The following SLBP variants were observed in gnomAD, a reference collection of about 807,000 sequenced individuals.
The protein encoded by SLBP is histone RNA hairpin-binding protein.
In SLBP, 29 loss-of-function variants were observed where a neutral mutation model predicts 39.2. The ratio of observed to expected loss-of-function variants is 0.74; its 90% CI spans 0.55 to 1.01. SLBP has a LOEUF of 1.01. Ranked by LOEUF, SLBP falls within the 50% of genes least tolerant of loss-of-function variation. SLBP has a pLI of 0.00. For synonymous variants in SLBP, 129 were observed against 118.7 expected (o/e 1.09, Z -0.57); for missense variants, 390 against 350.2 (o/e 1.11, Z -0.91).
chr4:1,703,223 C>A lies in SLBP; in HGVS notation c.281+373G>T, dbSNP rs536718116. On this transcript the variant is annotated intron_variant, in intron 3 of 7. Transcript: ENST00000489418. ...CTGTACTCCAGCCCGGGCAACAGAG[C>A]GAGACTGTCTCAAAAAAAAAAAAAA... 3.5e-3 allele frequency among the ~76,000 whole-genome samples: 463 copies of A among 131,644 alleles called. 5 individuals are homozygous for A. The highest frequency in any genetic ancestry group is 4.5e-3 in the Non-Finnish European group (285 of 63,040). The allele number at this position is 131,644 out of a possible 152,430, so 86.4% of individuals were successfully genotyped here.
At chr4:1,702,312 G>T (rs1716357433) in intron 3 of SLBP, among the ~76,000 whole-genome samples, 1 of 152,080 alleles carries the variant, frequency 6.6e-6, no homozygotes, top group Non-Finnish European at 1.5e-5. Flanking sequence ...TTCTACCAAG[G>T]CATACATCCA....
intron 2 of SLBP, among the ~76,000 whole-genome samples, chr4:1,708,018 G>A (rs1295074049): frequency 1.3e-5 from 2 of 150,978 alleles, no homozygotes; most frequent in African/African-American, 4.9e-5. Context: ...GGCAGAGGTT[G>A]CAGTGAGCTG....
At chr4:1,710,037 C>A (rs886284124) in intron 2 of SLBP, among the ~76,000 whole-genome samples, 1 of 152,186 alleles carries the variant, frequency 6.6e-6, no homozygotes, top group Non-Finnish European at 1.5e-5. Flanking sequence ...CTTCTCATTC[C>A]GGGTAAGTGT....
At chr4:1,701,301 A>T (rs1716318980) in intron 3 of SLBP, among the ~76,000 whole-genome samples, 1 of 151,678 alleles carries the variant, frequency 6.6e-6, no homozygotes, top group Admixed American at 6.6e-5. Context: ...TGCTGCCACC[A>T]CGCCTGGCTA....
Position 1,709,643 on chromosome 4 carries a change from G to C in SLBP, c.176+2231C>G, listed in dbSNP as rs948664832. On this transcript the variant is annotated intron_variant, in intron 2 of 7. Transcript: ENST00000489418. ...TTTTTTTTTTTTGAGACGGAGTCTC[G>C]CTCTATTGCCCCAGCTGGAGTGTAG... is the stretch of plus-strand genomic sequence containing the variant. Among the ~76,000 whole-genome samples, 107 of 143,074 alleles carry C rather than the reference G, an allele frequency of 7.5e-4. 1 individual carries two copies. Among genetic ancestry groups the C allele is most frequent in the African/African-American group, 2.7e-3 (104 of 38,480 alleles). 93.9% of individuals were successfully genotyped at this position (143,074 alleles called of 152,430 possible).
chr4:1,711,438 C>T (rs1393781651), intron 2 of SLBP, among the ~76,000 whole-genome samples: 1 of 152,082 alleles, frequency 6.6e-6, no homozygotes. Flanking sequence ...CTCGGCCGTC[C>T]CACCCCATCA....
intron 5 of SLBP, among the ~76,000 whole-genome samples, chr4:1,698,793 AT>A (rs201493261): frequency 2.6e-4 from 38 of 146,370 alleles, no homozygotes; most frequent in Admixed American, 9.6e-4. Flanking sequence ...CAAAAGTAAA[AT>A]TTTTTTTTTT....
intron 2 of SLBP, among the ~76,000 whole-genome samples, chr4:1,704,750 T>C (rs1716455309): frequency 6.6e-6 from 1 of 152,144 alleles, no homozygotes; most frequent in South Asian, 2.1e-4. Context: ...GTCCCAAGCC[T>C]GTATCCATAT....
At chr4:1,694,958 G>C (rs1206391218) in intron 6 of SLBP, 118 bp from the exon 7 acceptor site, 1 of 729,900 alleles carries the variant, frequency 1.4e-6, no homozygotes, top group Non-Finnish European at 2.5e-6. Flanking sequence ...TGTGCCCGAG[G>C]CTCCCTGAGG....
In SLBP at chr4:1,701,760, AG is replaced by A. The variant is rs1028052030; in HGVS notation, c.282-1691del. ...AGCCTCTACTAAAAATACAAAAATT[AG>A]CCGGACGTGGTGGCACACAGCTATA... On this transcript the variant is annotated intron_variant, in intron 3 of 7. Transcript: ENST00000489418. Among the ~76,000 whole-genome samples the A allele has an allele frequency of 5.6e-4, 85 of 152,310 alleles. No individual in the cohort carries two copies. In the Middle Eastern group the frequency reaches 0.01, roughly 18 times the overall value.
chr4:1,700,229 T>TAACCACC, intron 3 of SLBP, 159 bp from the exon 4 acceptor site: 2 of 430,972 alleles, frequency 4.6e-6, no homozygotes, highest in Non-Finnish European at 8.2e-6. Context: ...GTTTAAGTAG[T>TAACCACC]GAGATCCACA....
chr4:1,696,262 C>A lies in SLBP; in HGVS notation c.569G>T (p.Trp190Leu). Reference protein sequence around the residue: ...RRSWDQQIKLWKVALHFWDPP... With the variant: ...RRSWDQQIKLLKVALHFWDPP... ...ATCCCAAAAATGCAGAGCCACCTTCCAGAGTTTGATTTGCTGGTCCCATGA... is the reference window on the plus strand; with the variant it reads ...ATCCCAAAAATGCAGAGCCACCTTCAAGAGTTTGATTTGCTGGTCCCATGA... Residue 190 changes from tryptophan to leucine, a missense_variant, in exon 6 of 8, where the codon TGG (tryptophan) becomes TTG (leucine). Transcript: ENST00000489418. The A allele has an allele frequency of 6.2e-7, 1 of 1,605,232 alleles. No individual in the cohort carries two copies. The highest frequency in any genetic ancestry group is 8.5e-7 in the Non-Finnish European group (1 of 1,176,602).
intron 5 of SLBP, among the ~76,000 whole-genome samples, chr4:1,697,442 CTGG>C (rs1197525236): frequency 2.6e-5 from 4 of 151,840 alleles, no homozygotes; most frequent in Non-Finnish European, 5.9e-5. Context: ...GCACTCCAGC[CTGG>C]TGACAGAGGG....
chr4:1,704,228 G>T (rs1404151143), intron 2 of SLBP, among the ~76,000 whole-genome samples: 2 of 152,170 alleles, frequency 1.3e-5, no homozygotes, highest in Admixed American at 6.5e-5. Context: ...TGTTTATAAA[G>T]TCATTAAGAT....
rs367671746 is a variant in SLBP at position 1,693,856 on chromosome 4, TTAA to T, written c.697-146_697-144del. The T allele has an allele frequency of 4.6e-4, 292 of 640,262 alleles. 2 individuals are homozygous for T. The East Asian group carries it at 6.6e-3, about 15-fold the overall frequency. 39.7% of individuals were successfully genotyped at this position (640,262 alleles called of 1,614,324 possible). A position where few individuals can be genotyped will look rare whatever the true frequency, so the allele number is the denominator to read the frequency against. The stretch of plus-strand genomic sequence containing the variant: ...ACTTCACGTGCAACTGAGACAGATT[TTAA>T]TAATAACACTGCAAAGAGAAACCAC... On this transcript the variant is annotated intron_variant, in intron 7 of 7. Coordinates refer to ENST00000489418, the MANE Select transcript of SLBP (RefSeq NM_006527.4).
At chr4:1,711,834 A>T in intron 2 of SLBP, 40 bp downstream of exon 2, 1 of 1,134,344 alleles carries the variant, frequency 8.8e-7, no homozygotes, top group Non-Finnish European at 1.1e-6. Context: ...GGCCTCGTCA[A>T]GGGCCCCACC....
At chr4:1,710,751 AAAAG>A (rs1004641143) in intron 2 of SLBP, among the ~76,000 whole-genome samples, 5 of 152,064 alleles carry the variant, frequency 3.3e-5, no homozygotes, top group South Asian at 4.1e-4. Flanking sequence ...TAGAAAAAAA[AAAAG>A]AAACACAAAG....
chr4:1,693,632 T>C lies in SLBP; in HGVS notation c.778A>G (p.Thr260Ala). 1 of 1,613,874 alleles carries C rather than the reference T, an allele frequency of 6.2e-7. No individual in the cohort carries two copies. The highest frequency in any genetic ancestry group is 8.5e-7 in the Non-Finnish European group (1 of 1,179,802). ...GCTGAGAAGTCTCTCAAGGGTTCAG[T>C]TAAACAAGCTTCCAAATCAAACTCA... ...EDEFDLEACL[T>A]EPLRDFSAMS The change falls in exon 8 of 8, where the codon ACT becomes GCT. Residue 260 changes from threonine (T) to alanine (A), a missense_variant. By Grantham distance (58) the Thr-to-Ala change is moderately conservative. Coordinates refer to ENST00000489418, the MANE Select transcript of SLBP (RefSeq NM_006527.4).
chr4:1,711,519 G>A (rs1375791352), intron 2 of SLBP, among the ~76,000 whole-genome samples: 1 of 152,160 alleles, frequency 6.6e-6, no homozygotes, highest in African/African-American at 2.4e-5. Context: ...AAGCAGGTAA[G>A]CCCTGTCAAC....
Sources: gnomAD v4.1 joint callset for allele counts (sites outside exome capture counted in the v4.1 genomes callset) on GRCh38, gnomAD v4.1.1 for gene constraint, MANE v1.5 for transcripts, NCBI Gene and HGNC (gene_info 2026-07-23, HGNC 2026-07-21) for gene names.